Variants in BAAT observed in about 807,000 individuals in gnomAD.
BAAT encodes the protein bile acid CoA: amino acid N-acyltransferase (glycine N-choloyltransferase).
Under a neutral mutation model 18.9 loss-of-function variants are expected in BAAT, and 13 were observed. That is an observed-to-expected ratio of 0.69 (90% CI 0.45 to 1.10). BAAT has a LOEUF of 1.10. Among genes scored for constraint, BAAT ranks in the 50% least tolerant of loss-of-function variants. BAAT has a pLI of 0.00. For synonymous variants in BAAT, 170 were observed against 190.7 expected, an observed-to-expected ratio of 0.89 and a Z score of 0.89; for missense variants, 489 against 504.0, an observed-to-expected ratio of 0.97 and a Z score of 0.28.
chr9:101,371,942 T>G (rs997889399), intron 1 of BAAT, among the ~76,000 whole-genome samples: 6 of 151,830 alleles, frequency 4.0e-5, no homozygotes, highest in Non-Finnish European at 8.8e-5. Context: ...CATAAAAAAA[T>G]AGAGGGATCA....
In BAAT at chr9:101,384,997, C is replaced by T. The variant is rs566043869; in HGVS notation, c.-202G>A. Among the ~76,000 whole-genome samples the T allele has an allele frequency of 3.2e-4, 48 of 151,958 alleles. No individual in the cohort carries two copies. The highest frequency in any genetic ancestry group is 1.1e-3 in the African/African-American group (46 of 41,484). Reference sequence around the variant, plus strand: ...GGGGTGATGTCACATATCAGCAGGACCGTGAGGCCCCGAGCCACAAAACCA... The same window carrying T: ...GGGGTGATGTCACATATCAGCAGGATCGTGAGGCCCCGAGCCACAAAACCA... On this transcript the variant is annotated 5_prime_UTR_variant, in exon 1 of 4. Coordinates refer to ENST00000259407, the MANE Select transcript of BAAT (RefSeq NM_001701.4).
chr9:101,371,718 T>C (rs1462358522), intron 1 of BAAT, among the ~76,000 whole-genome samples: 2 of 152,168 alleles, frequency 1.3e-5, no homozygotes, highest in African/African-American at 4.8e-5. Flanking sequence ...TATGCATGAA[T>C]GGTATCAATA....
In BAAT at chr9:101,361,507, GAT is replaced by G. The variant is rs1829723442; in HGVS notation, c.*919_*920del. 1 of 152,540 alleles carries G rather than the reference GAT, an allele frequency of 6.6e-6. No individual in the cohort carries two copies. The highest frequency in any genetic ancestry group is 6.6e-5 in the Admixed American group (1 of 15,264). 9.4% of individuals were successfully genotyped at this position (152,540 alleles called of 1,614,324 possible). A position where few individuals can be genotyped will look rare whatever the true frequency, so the allele number is the denominator to read the frequency against. ...AAACTAAAGTATTTTTTATTTATGGGATGTACAGTAACTATTGGGTCTTACGG... is the reference window on the plus strand; with the variant it reads ...AAACTAAAGTATTTTTTATTTATGGGGTACAGTAACTATTGGGTCTTACGG... On this transcript the variant is annotated 3_prime_UTR_variant, in exon 4 of 4. Coordinates refer to ENST00000259407, the MANE Select transcript of BAAT (RefSeq NM_001701.4).
chr9:101,371,739 G>A (rs1829949654), intron 1 of BAAT, among the ~76,000 whole-genome samples: 1 of 152,138 alleles, frequency 6.6e-6, no homozygotes, highest in Admixed American at 6.5e-5. Context: ...CATCTAGGAA[G>A]ATAACACAAT....
Position 101,371,280 on chromosome 9 carries a change from T to G in BAAT, c.125A>C (p.Asp42Ala), listed in dbSNP as rs926776847. 6.2e-7 allele frequency: 1 copy of G among 1,613,194 alleles called. No individual in the cohort carries two copies. The highest frequency in any genetic ancestry group is 8.5e-7 in the Non-Finnish European group (1 of 1,179,304). The change falls in exon 2 of 4, where the codon GAC becomes GCC. Residue 42 changes from aspartate to alanine, a missense_variant. By Grantham distance (126) the Asp-to-Ala change is moderately radical. Coordinates refer to ENST00000259407, the MANE Select transcript of BAAT (RefSeq NM_001701.4). ...ATAGTGGGCTTGAGAATAAAACATG[T>G]CTCCGTTTTCATCTTCCAGTGATGC... Reference protein sequence around the residue: ...FQASLEDENGDMFYSQAHYRA... With the variant: ...FQASLEDENGAMFYSQAHYRA...
chr9:101,380,644 C>T (rs539772946), intron 1 of BAAT, among the ~76,000 whole-genome samples: 1 of 152,176 alleles, frequency 6.6e-6, no homozygotes, highest in Non-Finnish European at 1.5e-5. Flanking sequence ...TAATAGCAGC[C>T]ACAAGCTCCC....
In BAAT at chr9:101,384,998, C is replaced by T. The variant is rs891645516; in HGVS notation, c.-203G>A. Among the ~76,000 whole-genome samples, 1 of 151,450 alleles carries T rather than the reference C, an allele frequency of 6.6e-6. No individual in the cohort carries two copies. Among genetic ancestry groups the T allele is most frequent in the African/African-American group, 2.4e-5 (1 of 41,264 alleles). ...GGGTGATGTCACATATCAGCAGGACCGTGAGGCCCCGAGCCACAAAACCAG... is the reference window on the plus strand; with the variant it reads ...GGGTGATGTCACATATCAGCAGGACTGTGAGGCCCCGAGCCACAAAACCAG... On this transcript the variant is annotated 5_prime_UTR_variant, in exon 1 of 4. Transcript: ENST00000259407.
chr9:101,362,452 A>G lies in BAAT; in HGVS notation c.1233T>C (p.Ile411=), dbSNP rs773017232. The G allele has an allele frequency of 6.2e-7, 1 of 1,614,020 alleles. No homozygotes were observed. Among genetic ancestry groups the G allele is most frequent in the Admixed American group, 1.7e-5 (1 of 59,984 alleles). Residue 411 remains isoleucine, a synonymous_variant, in exon 4 of 4, where the codon ATT becomes ATC. Transcript: ENST00000259407. ...EIQRFLRKHL[I]PDVTSQL ...CTTAGAGTTGACTGGTCACATCTGG[A>G]ATGAGGTGCTTCCTGAGAAATCTCT...
chr9:101,371,659 C>G (rs998109162), intron 1 of BAAT, among the ~76,000 whole-genome samples, 196 bp from the exon 2 acceptor site: 1 of 151,980 alleles, frequency 6.6e-6, no homozygotes, highest in African/African-American at 2.4e-5. Context: ...AGCAAGCTGA[C>G]AAATTTTATA....
At chr9:101,363,373 G>A (rs1016348021) in intron 3 of BAAT, among the ~76,000 whole-genome samples, 1 of 152,114 alleles carries the variant, frequency 6.6e-6, no homozygotes, top group East Asian at 1.9e-4. Flanking sequence ...CAGAGGAAAG[G>A]GCACCTTGTA....
chr9:101,362,608 C>T lies in BAAT; in HGVS notation c.1077G>A (p.Gly359=), dbSNP rs1444441676. The stretch of plus-strand genomic sequence containing the variant: ...AGGGAGGTTCTATCAGGTGGCCTGC[C>T]CCAGGGTAAGATAGCAGGGTCCAGT... The part of the protein sequence containing the change: ...KNNWTLLSYP[G]AGHLIEPPYS... The change falls in exon 4 of 4, where the codon GGG becomes GGA. Residue 359 remains glycine (G), a synonymous_variant. Coordinates refer to ENST00000259407, the MANE Select transcript of BAAT (RefSeq NM_001701.4). 3.1e-6 allele frequency: 5 copies of T among 1,613,950 alleles called. No homozygotes were observed. Among genetic ancestry groups the T allele is most frequent in the African/African-American group, 1.3e-5 (1 of 74,872 alleles).
At chr9:101,383,731 C>G (rs973898370) in intron 1 of BAAT, among the ~76,000 whole-genome samples, 3 of 152,196 alleles carry the variant, frequency 2.0e-5, no homozygotes, top group African/African-American at 7.2e-5. Flanking sequence ...ATTGCCACTA[C>G]ATTTTACTCA....
intron 1 of BAAT, among the ~76,000 whole-genome samples, chr9:101,378,956 G>A (rs188846177): frequency 6.6e-4 from 100 of 152,324 alleles, no homozygotes; most frequent in Admixed American, 1.6e-3. Context: ...AGACATTTAT[G>A]CAGCCAACAA....
chr9:101,370,963 G>A lies in BAAT; in HGVS notation c.442C>T (p.Arg148Ter), dbSNP rs764187428. The A allele has an allele frequency of 1.9e-6, 3 of 1,614,068 alleles. No homozygotes were observed. The highest frequency in any genetic ancestry group is 1.1e-5 in the South Asian group (1 of 91,084). The change falls in exon 2 of 4, where the codon CGA becomes TGA. Residue 148 changes from arginine (R) to a stop codon, truncating the protein, a stop_gained. Transcript: ENST00000259407. LOFTEE classifies it high-confidence loss of function. ...TRIKVREGRL[R>*]GALFLPPGEG... ...CCTGGAGGGAGAAAGAGAGCTCCTCGAAGGCGGCCTTCTCGAACCTTAATT... is the reference window on the plus strand; with the variant it reads ...CCTGGAGGGAGAAAGAGAGCTCCTCAAAGGCGGCCTTCTCGAACCTTAATT...
intron 1 of BAAT, among the ~76,000 whole-genome samples, chr9:101,384,314 G>A (rs1468550225): frequency 6.6e-6 from 1 of 152,104 alleles, no homozygotes; most frequent in Non-Finnish European, 1.5e-5. Context: ...ATGAGAAAAA[G>A]TCTTAAACAG....
intron 1 of BAAT, among the ~76,000 whole-genome samples, chr9:101,371,822 G>A (rs889009863): frequency 6.6e-6 from 1 of 152,076 alleles, no homozygotes; most frequent in African/African-American, 2.4e-5. Flanking sequence ...TGAAAATATG[G>A]TTATTTATTG....
intron 1 of BAAT, among the ~76,000 whole-genome samples, chr9:101,384,220 C>A (rs1456995697): frequency 3.9e-5 from 6 of 152,070 alleles, no homozygotes; most frequent in African/African-American, 7.2e-5. Flanking sequence ...AAGACTTATG[C>A]TACAGATACA....
At chr9:101,366,020 T>C (rs1279295342) in intron 3 of BAAT, among the ~76,000 whole-genome samples, 1 of 152,126 alleles carries the variant, frequency 6.6e-6, no homozygotes, top group East Asian at 1.9e-4. Flanking sequence ...TTTGGAAATA[T>C]ACAATACATT....
intron 3 of BAAT, among the ~76,000 whole-genome samples, chr9:101,364,605 T>C (rs1334250289): frequency 6.6e-6 from 1 of 152,192 alleles, no homozygotes; most frequent in East Asian, 1.9e-4. Context: ...TGAGAGGCAA[T>C]GAAGAGCAAG....
Sources: gnomAD v4.1 joint callset for allele counts (sites outside exome capture counted in the v4.1 genomes callset) on GRCh38, gnomAD v4.1.1 for gene constraint, MANE v1.5 for transcripts, NCBI Gene and HGNC (gene_info 2026-07-23, HGNC 2026-07-21) for gene names.